The following RAP1A variants were observed in gnomAD, a reference collection of about 807,000 sequenced individuals.
RAP1A encodes ras-related protein Rap-1A.
Under a neutral mutation model 26.4 loss-of-function variants are expected in RAP1A, and 6 were observed. The observed-to-expected ratio is 0.23, with a 90% confidence interval of 0.12 to 0.45. The LOEUF (loss-of-function observed/expected upper bound fraction) is 0.45, where lower values mean the gene tolerates loss of function less well. RAP1A is among the 20% of genes least tolerant of loss of function. The pLI is 0.99. For missense variants in RAP1A, 121 were observed against 217.2 expected (o/e 0.56, Z 2.78); for synonymous variants, 73 against 79.4 (o/e 0.92, Z 0.43).
chr1:111,584,595 G>A lies in RAP1A; in HGVS notation c.-28+42086G>A, dbSNP rs181261598. Among the ~76,000 whole-genome samples, 140 of 152,248 alleles carry A rather than the reference G, an allele frequency of 9.2e-4. No homozygotes were observed. The South Asian group carries it at 0.013, about 15-fold the overall frequency. ...CTTAATACTATTACACTGAGTATTA[G>A]GCTCTAACATATGCATGTGGGGGGA... On this transcript the variant is annotated intron_variant, in intron 1 of 7. Coordinates refer to the RAP1A transcript ENST00000356415.
At chr1:111,556,611 A>G (rs1188889981) in intron 1 of RAP1A, among the ~76,000 whole-genome samples, 1 of 152,228 alleles carries the variant, frequency 6.6e-6, no homozygotes, top group Non-Finnish European at 1.5e-5. Flanking sequence ...GACATGGATG[A>G]AACTTGAGGA....
chr1:111,555,388 A>G (rs1329015257), intron 1 of RAP1A, among the ~76,000 whole-genome samples: 1 of 150,542 alleles, frequency 6.6e-6, no homozygotes, highest in Non-Finnish European at 1.5e-5. Context: ...AAAAAAAAAA[A>G]AAATTACCAG....
At chr1:111,641,609 A>G (rs371574991) in intron 1 of RAP1A, among the ~76,000 whole-genome samples, 37 of 152,006 alleles carry the variant, frequency 2.4e-4, no homozygotes, top group East Asian at 5.8e-4. Context: ...CAGTTTCTCT[A>G]TCTTCTAGAA....
At chr1:111,597,768 CCT>C (rs1658588804) in intron 1 of RAP1A, among the ~76,000 whole-genome samples, 2 of 152,116 alleles carry the variant, frequency 1.3e-5, no homozygotes, top group Non-Finnish European at 2.9e-5. Context: ...TGGGAACTTT[CCT>C]CTGACCAGCA....
At chr1:111,666,622 G>A (rs892978389) in intron 1 of RAP1A, among the ~76,000 whole-genome samples, 1 of 149,780 alleles carries the variant, frequency 6.7e-6, no homozygotes, top group Non-Finnish European at 1.5e-5. Context: ...GTCTAATTTA[G>A]GTAATCAAAT....
intron 1 of RAP1A, among the ~76,000 whole-genome samples, chr1:111,630,491 TAG>T (rs1234177828): frequency 4.6e-5 from 7 of 152,118 alleles, no homozygotes; most frequent in African/African-American, 1.7e-4. Context: ...TTGATGATAG[TAG>T]AGAGACACAG....
rs7549880 is a variant in RAP1A at position 111,708,519 on chromosome 1, A to G, written c.469-630A>G. On this transcript the variant is annotated intron_variant, in intron 6 of 7. Transcript: ENST00000369709. Reference sequence around the variant, plus strand: ...CTAAAGTGAGAGGAAATAAACTGCAATGTGTGATCCTGAATGGATCCTGTC... The same window carrying G: ...CTAAAGTGAGAGGAAATAAACTGCAGTGTGTGATCCTGAATGGATCCTGTC... Among the ~76,000 whole-genome samples the G allele has an allele frequency of 1.6e-3, 250 of 152,352 alleles. 1 individual carries two copies. Among genetic ancestry groups the G allele is most frequent in the Middle Eastern group, 6.8e-3 (2 of 294 alleles).
chr1:111,680,798 TAGAAGGAAAACTAAC>T (rs59137432), intron 1 of RAP1A: 72,102 of 151,598 alleles, frequency 0.48, 17,408 homozygotes, highest in African/African-American at 0.55. Flanking sequence ...GCCAGACTGT[TAGAAGGAAAACTAAC>T]AGAAGGAAAA....
At chr1:111,703,727 A>G (rs952320166) in intron 5 of RAP1A, among the ~76,000 whole-genome samples, 10 of 152,220 alleles carry the variant, frequency 6.6e-5, no homozygotes, top group Non-Finnish European at 1.5e-4. Flanking sequence ...GTAGAGGAAA[A>G]AGAGGAGCCA....
chr1:111,564,512 C>G (rs1417782007), intron 1 of RAP1A, among the ~76,000 whole-genome samples: 1 of 119,962 alleles, frequency 8.3e-6, no homozygotes, highest in South Asian at 2.8e-4. Context: ...GACCCCAACT[C>G]TTTTTTTTTT....
intron 1 of RAP1A, among the ~76,000 whole-genome samples, chr1:111,634,720 C>T (rs1420583413): frequency 3.3e-5 from 5 of 151,706 alleles, no homozygotes; most frequent in South Asian, 2.1e-4. Context: ...TCTCGGCTCA[C>T]TGCAACCTCC....
intron 1 of RAP1A, among the ~76,000 whole-genome samples, chr1:111,660,317 C>G (rs1275675195): frequency 6.6e-6 from 1 of 152,206 alleles, no homozygotes. Flanking sequence ...TTCCCCCCCT[C>G]TGGCTTCTTT....
Position 111,691,498 on chromosome 1 carries a change from G to A in RAP1A, c.57+81G>A, listed in dbSNP as rs115419432. The A allele has an allele frequency of 4.5e-4, 588 of 1,301,054 alleles. 1 individual carries two copies. Among genetic ancestry groups the A allele is most frequent in the Non-Finnish European group, 3.8e-4 (345 of 905,476 alleles). The allele number at this position is 1,301,054 out of a possible 1,614,324, so 80.6% of individuals were successfully genotyped here. A position where few individuals can be genotyped will look rare whatever the true frequency, so the allele number is the denominator to read the frequency against. ...TTTCCTTGCTTTCAGACTTCTAGAT[G>A]CCAAAGAGAAAAGGTGGCATTATTA... On this transcript the variant is annotated intron_variant, in intron 2 of 7. Coordinates refer to ENST00000369709, the MANE Select transcript of RAP1A (RefSeq NM_002884.4).
rs139724033 is a variant in RAP1A at position 111,714,929 on chromosome 1, G to A, written c.*2528G>A. On this transcript the variant is annotated 3_prime_UTR_variant, in exon 8 of 8. Coordinates refer to ENST00000369709, the MANE Select transcript of RAP1A (RefSeq NM_002884.4). ...ATGACTTTGGTTTGGTTATATGAGT[G>A]ACACAGAATTTAAGGAGGCTTCATG... 3.9e-5 allele frequency: 6 copies of A among 152,298 alleles called. No individual in the cohort carries two copies. Among genetic ancestry groups the A allele is most frequent in the African/African-American group, 1.2e-4 (5 of 41,566 alleles). 9.4% of individuals were successfully genotyped at this position (152,298 alleles called of 1,614,324 possible). A position where few individuals can be genotyped will look rare whatever the true frequency, so the allele number is the denominator to read the frequency against.
At chr1:111,673,599 C>T (rs1252794068) in intron 1 of RAP1A, among the ~76,000 whole-genome samples, 1 of 152,120 alleles carries the variant, frequency 6.6e-6, no homozygotes, top group Non-Finnish European at 1.5e-5. Context: ...AAAATTTAAA[C>T]ATAGTGTAAT....
At chr1:111,588,782 T>C (rs1256503639) in intron 1 of RAP1A, among the ~76,000 whole-genome samples, 3 of 152,240 alleles carry the variant, frequency 2.0e-5, no homozygotes, top group Non-Finnish European at 4.4e-5. Context: ...TCTATTATCA[T>C]TAATGATTTG....
intron 1 of RAP1A, among the ~76,000 whole-genome samples, chr1:111,687,850 C>CA (rs573622700): frequency 7.4e-4 from 112 of 151,132 alleles, no homozygotes; most frequent in African/African-American, 2.5e-3. Flanking sequence ...TCTGTGTCTA[C>CA]AAAAAAAATT....
intron 1 of RAP1A, among the ~76,000 whole-genome samples, chr1:111,593,944 A>G (rs1322349255): frequency 6.6e-6 from 1 of 152,216 alleles, no homozygotes; most frequent in Non-Finnish European, 1.5e-5. Flanking sequence ...CAAGGATAAC[A>G]GGATTTGATC....
At chr1:111,704,306 A>G (rs2101292062) in intron 5 of RAP1A, 37 bp from the exon 6 acceptor site, 2 of 1,604,238 alleles carry the variant, frequency 1.2e-6, no homozygotes, top group South Asian at 1.1e-5. Context: ...AGTAATGAGT[A>G]TGTTATTGTT....
Sources: allele counts gnomAD v4.1 joint callset (sites outside exome capture counted in the v4.1 genomes callset), GRCh38; gene constraint gnomAD v4.1.1; transcripts MANE v1.5; gene names NCBI Gene and HGNC (gene_info 2026-07-23, HGNC 2026-07-21).